The following ZMYM2 variants were observed in gnomAD, a reference collection of about 807,000 sequenced individuals.
The protein encoded by ZMYM2 is zinc finger MYM-type protein 2.
Under a neutral mutation model 162.8 loss-of-function variants are expected in ZMYM2, and 56 were observed. The observed-to-expected ratio is 0.34, with a 90% CI of 0.28 to 0.43. ZMYM2 has a LOEUF of 0.43. ZMYM2 is among the 20% of genes least tolerant of loss of function. The probability of loss-of-function intolerance (pLI) is 1.00; values close to 1 mark genes in which losing one functional copy is unlikely to be tolerated. For missense variants in ZMYM2, 1,275 were observed against 1,621.8 expected (o/e 0.79, Z 3.67); for synonymous variants, 510 against 541.6 (o/e 0.94, Z 0.81).
chr13:19,933,967 A>G, the ZMYM2 span, among the ~76,000 whole-genome samples: 1 of 152,154 alleles, frequency 6.6e-6, no homozygotes, highest in Non-Finnish European at 1.5e-5. Context: ...TAACCCATTT[A>G]CAATTATTGT....
chr13:19,995,610 C>T (rs2139780493), intron 3 of ZMYM2, among the ~76,000 whole-genome samples: 1 of 152,158 alleles, frequency 6.6e-6, no homozygotes, highest in African/African-American at 2.4e-5. Context: ...AACTCGTGGC[C>T]TCAAGTGATC....
intron 7 of ZMYM2, among the ~76,000 whole-genome samples, chr13:20,023,873 G>A (rs951081254): frequency 2.0e-5 from 3 of 151,830 alleles, no homozygotes; most frequent in African/African-American, 7.3e-5. Flanking sequence ...TGTGCAAGTG[G>A]CAGTATTGAA....
chr13:19,919,088 T>C, the ZMYM2 span, among the ~76,000 whole-genome samples: 2 of 152,140 alleles, frequency 1.3e-5, no homozygotes, highest in African/African-American at 2.4e-5. Flanking sequence ...ATTTTGAGAA[T>C]TCTATATAAA....
In ZMYM2 at chr13:20,066,523, A is replaced by G. The variant is rs74410759; in HGVS notation, c.3133-328A>G. 8.7e-4 allele frequency: 170 copies of G among 194,834 alleles called. No homozygotes were observed. The East Asian group carries it at 0.019, about 22-fold the overall frequency. 12.1% of individuals were successfully genotyped at this position (194,834 alleles called of 1,614,324 possible). A position where few individuals can be genotyped will look rare whatever the true frequency, so the allele number is the denominator to read the frequency against. ...AATAAAGTTAGCTAGAGAAAATGTT[A>G]TCAAGAGAATCATATGGGAGAGAAA... On this transcript the variant is annotated intron_variant, in intron 19 of 24. Coordinates refer to ENST00000610343, the MANE Select transcript of ZMYM2 (RefSeq NM_197968.4).
In ZMYM2 at chr13:20,086,126, C is replaced by CGTGGGTACACTGCTACA; in HGVS notation, c.*112_*113insGTGGGTACACTGCTACA. On this transcript the variant is annotated 3_prime_UTR_variant, in exon 25 of 25. Coordinates refer to ENST00000610343, the MANE Select transcript of ZMYM2 (RefSeq NM_197968.4). ...ACTCCTTCTGTTTTGAGTTTTGTAG[C>CGTGGGTACACTGCTACA]AGTGTACCCACGCTGGGTATTACCA... The CGTGGGTACACTGCTACA allele has an allele frequency of 9.2e-7, 1 of 1,082,132 alleles. No individual in the cohort carries two copies. Among genetic ancestry groups the CGTGGGTACACTGCTACA allele is most frequent in the Non-Finnish European group, 1.3e-6 (1 of 768,968 alleles). 67.0% of individuals were successfully genotyped at this position (1,082,132 alleles called of 1,614,324 possible). A position where few individuals can be genotyped will look rare whatever the true frequency, so the allele number is the denominator to read the frequency against.
At chr13:20,046,742 C>G (rs2140500479) in intron 12 of ZMYM2, among the ~76,000 whole-genome samples, 1 of 151,018 alleles carries the variant, frequency 6.6e-6, no homozygotes, top group South Asian at 2.1e-4. Context: ...GGATTTGTTT[C>G]CCTTTTTTTG....
chr13:20,037,213 ATTTT>A (rs754909177), intron 12 of ZMYM2, among the ~76,000 whole-genome samples: 1 of 90,382 alleles, frequency 1.1e-5, no homozygotes, highest in African/African-American at 4.8e-5. Flanking sequence ...ACTAAGTAGA[ATTTT>A]TTTTTTTTTT....
At chr13:19,884,765 T>C in the ZMYM2 span, among the ~76,000 whole-genome samples, 1 of 151,946 alleles carries the variant, frequency 6.6e-6, no homozygotes, top group South Asian at 2.1e-4. Flanking sequence ...CTCTTCAACA[T>C]AGTGCCGACG....
chr13:19,864,466 GGGCAGTACT>G, the ZMYM2 span: 241 of 155,108 alleles, frequency 1.6e-3, 7 homozygotes, highest in South Asian at 0.037. Context: ...TGCGTCCGCG[GGGCAGTACT>G]GGTCGGGCGC....
the ZMYM2 span, among the ~76,000 whole-genome samples, chr13:19,894,535 G>C: frequency 4.0e-5 from 6 of 151,824 alleles, no homozygotes; most frequent in African/African-American, 1.5e-4. Context: ...AGTAGAGATG[G>C]GTTTTCACCA....
chr13:20,064,202 C>G (rs1319317873), intron 18 of ZMYM2, among the ~76,000 whole-genome samples: 3 of 151,724 alleles, frequency 2.0e-5, no homozygotes, highest in Non-Finnish European at 4.4e-5. Flanking sequence ...AATAATTTTT[C>G]TGGTATCATA....
chr13:20,087,121 T>C lies in ZMYM2; in HGVS notation c.*1107T>C. The C allele has an allele frequency of 1.1e-5, 2 of 186,218 alleles. No individual in the cohort carries two copies. The highest frequency in any genetic ancestry group is 2.3e-5 in the Non-Finnish European group (2 of 87,956). 11.5% of individuals were successfully genotyped at this position (186,218 alleles called of 1,614,324 possible). ...TGTTAAATAAGATAGGATCACATTT[T>C]ATAATGAAGATTACCAGTGTAGTAA... On this transcript the variant is annotated 3_prime_UTR_variant, in exon 25 of 25. Coordinates refer to ENST00000610343, the MANE Select transcript of ZMYM2 (RefSeq NM_197968.4).
At chr13:19,995,684 C>A (rs573579345) in intron 3 of ZMYM2, among the ~76,000 whole-genome samples, 57 of 152,166 alleles carry the variant, frequency 3.7e-4, no homozygotes, top group African/African-American at 1.3e-3. Flanking sequence ...CAGCCCCCCA[C>A]CTTTTTTTTT....
At chr13:19,891,036 G>A in the ZMYM2 span, among the ~76,000 whole-genome samples, 1 of 151,822 alleles carries the variant, frequency 6.6e-6, no homozygotes, top group Non-Finnish European at 1.5e-5. Context: ...CATGATGTAA[G>A]GTGTGCATTT....
the ZMYM2 span, among the ~76,000 whole-genome samples, chr13:19,870,459 T>C: frequency 6.6e-6 from 1 of 150,900 alleles, no homozygotes; most frequent in Non-Finnish European, 1.5e-5. Flanking sequence ...TTTCTCTTTC[T>C]CTCTTCTTTC....
At chr13:20,010,369 G>A (rs1951073380) in intron 6 of ZMYM2, among the ~76,000 whole-genome samples, 1 of 151,678 alleles carries the variant, frequency 6.6e-6, no homozygotes, top group Non-Finnish European at 1.5e-5. Context: ...CTAATTTTTT[G>A]TATTTTTTTG....
intron 3 of ZMYM2, among the ~76,000 whole-genome samples, chr13:19,996,256 T>C (rs17074797): frequency 0.016 from 2,379 of 152,336 alleles, 56 homozygotes; most frequent in African/African-American, 0.053. Context: ...TGTCTGATTA[T>C]TGAAGACTGC....
chr13:19,925,676 C>T, the ZMYM2 span, among the ~76,000 whole-genome samples: 3 of 151,414 alleles, frequency 2.0e-5, no homozygotes, highest in Non-Finnish European at 2.9e-5. Flanking sequence ...AGTTCCAGAC[C>T]GGCCTGGCCA....
intron 9 of ZMYM2, chr13:20,027,946 G>A: frequency 5.7e-6 from 1 of 175,246 alleles, no homozygotes; most frequent in Admixed American, 6.3e-5. Context: ...TTAGTTAGGT[G>A]ATACGATTAG....
Sources: gnomAD v4.1 joint callset for allele counts (sites outside exome capture counted in the v4.1 genomes callset) on GRCh38, gnomAD v4.1.1 for gene constraint, MANE v1.5 for transcripts, NCBI Gene and HGNC (gene_info 2026-07-23, HGNC 2026-07-21) for gene names.